Variants in CPA6 observed in about 807,000 individuals in gnomAD.
CPA6 encodes carboxypeptidase A6.
Under a neutral mutation model 63.3 loss-of-function variants are expected in CPA6, and 58 were observed. The ratio of observed to expected loss-of-function variants is 0.92; its 90% confidence interval spans 0.74 to 1.14. The LOEUF (loss-of-function observed/expected upper bound fraction) is 1.14. Ranked by LOEUF, CPA6 falls within the 50% of genes most tolerant of loss-of-function variation. The probability of loss-of-function intolerance (pLI) is 0.00; values close to 1 mark genes in which losing one functional copy is unlikely to be tolerated. For synonymous variants in CPA6, 185 were observed against 179.0 expected (o/e 1.03, Z -0.27); for missense variants, 565 against 526.6 (o/e 1.07, Z -0.71).
intron 1 of CPA6, among the ~76,000 whole-genome samples, chr8:67,739,212 G>A (rs781123624): frequency 1.3e-5 from 2 of 152,190 alleles, no homozygotes; most frequent in Non-Finnish European, 2.9e-5. Flanking sequence ...TTGGTTCAGA[G>A]GGGTAGAGGA....
At chr8:67,700,381 A>C (rs1409493799) in intron 1 of CPA6, among the ~76,000 whole-genome samples, 1 of 152,234 alleles carries the variant, frequency 6.6e-6, no homozygotes, top group African/African-American at 2.4e-5. Context: ...AATGTAAATC[A>C]TTGTTCTAAA....
At chr8:67,570,604 A>T (rs969752126) in intron 2 of CPA6, among the ~76,000 whole-genome samples, 1 of 152,238 alleles carries the variant, frequency 6.6e-6, no homozygotes, top group Non-Finnish European at 1.5e-5. Flanking sequence ...TACGCAATAA[A>T]AGTTAAGCTG....
chr8:67,588,608 G>C (rs1216627645), intron 2 of CPA6, among the ~76,000 whole-genome samples: 1 of 152,060 alleles, frequency 6.6e-6, no homozygotes, highest in Middle Eastern at 3.2e-3. Flanking sequence ...CCCTTCCATG[G>C]CTTATATAAA....
intron 2 of CPA6, among the ~76,000 whole-genome samples, chr8:67,560,645 T>C (rs1191071328): frequency 6.6e-6 from 1 of 152,140 alleles, no homozygotes; most frequent in Non-Finnish European, 1.5e-5. Context: ...AGGGTTGAAT[T>C]GGAGGAAGCT....
chr8:67,503,468 A>ATTTT (rs869172205), intron 6 of CPA6, among the ~76,000 whole-genome samples: 4 of 126,024 alleles, frequency 3.2e-5, no homozygotes, highest in African/African-American at 6.3e-5. Flanking sequence ...AGCTAATTAA[A>ATTTT]TTTTTTTTTT....
At chr8:67,574,164 T>G in intron 2 of CPA6, among the ~76,000 whole-genome samples, 1 of 151,600 alleles carries the variant, frequency 6.6e-6, no homozygotes, top group Non-Finnish European at 1.5e-5. Context: ...GATCACTTGA[T>G]GTCAGGAGTT....
At chr8:67,739,813 GAT>G (rs2129004138) in intron 1 of CPA6, among the ~76,000 whole-genome samples, 1 of 152,264 alleles carries the variant, frequency 6.6e-6, no homozygotes, top group East Asian at 1.9e-4. Context: ...GCAAGGGAGT[GAT>G]ATGATAAAAA....
intron 9 of CPA6, 150 bp from the exon 10 acceptor site, chr8:67,428,281 C>T (rs1438849013): frequency 1.9e-6 from 1 of 537,426 alleles, no homozygotes; most frequent in African/African-American, 1.9e-5. Flanking sequence ...TCTTATGTCA[C>T]ACGCTACATT....
chr8:67,551,365 T>C (rs573713350), intron 2 of CPA6, among the ~76,000 whole-genome samples: 1 of 152,354 alleles, frequency 6.6e-6, no homozygotes, highest in Admixed American at 6.5e-5. Context: ...CTCTCTATTG[T>C]ATTCCATTGG....
At chr8:67,735,844 T>C (rs1234637023) in intron 1 of CPA6, among the ~76,000 whole-genome samples, 2 of 152,174 alleles carry the variant, frequency 1.3e-5, no homozygotes, top group Admixed American at 6.5e-5. Flanking sequence ...GCTGTTACCT[T>C]TGGGAGAAAT....
In CPA6 at chr8:67,484,740, T is replaced by G; in HGVS notation, c.686A>C (p.His229Pro). The G allele has an allele frequency of 6.2e-7, 1 of 1,611,134 alleles. No homozygotes were observed. The highest frequency in any genetic ancestry group is 8.5e-7 in the Non-Finnish European group (1 of 1,177,406). The change falls in exon 7 of 11, where the codon CAT becomes CCT. Residue 229 changes from histidine to proline, a missense_variant. Transcript: ENST00000297770. The stretch of plus-strand genomic sequence containing the variant: ...CACAGGCATGATATAGAAATATAGA[T>G]GATTCAACATTTTTCTCATGGCTGG... ...SDPAMRKMLN[H>P]LYFYIMPVFN...
At chr8:67,624,379 A>C in intron 1 of CPA6, 128 bp from the exon 2 acceptor site, 1 of 532,128 alleles carries the variant, frequency 1.9e-6, no homozygotes, top group South Asian at 2.8e-5. Context: ...TCACTGGCCC[A>C]GTAAGTATTT....
chr8:67,442,329 T>C (rs969068054), intron 8 of CPA6, among the ~76,000 whole-genome samples: 19 of 151,814 alleles, frequency 1.3e-4, no homozygotes, highest in African/African-American at 4.1e-4. Flanking sequence ...TGTGATATTG[T>C]AATATGATGT....
intron 2 of CPA6, among the ~76,000 whole-genome samples, chr8:67,597,946 C>T (rs1001088350): frequency 6.6e-6 from 1 of 152,180 alleles, no homozygotes; most frequent in Non-Finnish European, 1.5e-5. Flanking sequence ...TGGTATCTTT[C>T]AGAGAAGACT....
intron 1 of CPA6, among the ~76,000 whole-genome samples, chr8:67,672,344 T>C (rs1310837135): frequency 6.6e-6 from 1 of 152,162 alleles, no homozygotes; most frequent in African/African-American, 2.4e-5. Flanking sequence ...TTTCTTCCAA[T>C]GCGTACAAAC....
At chr8:67,720,372 TCA>T (rs1817472384) in intron 1 of CPA6, among the ~76,000 whole-genome samples, 1 of 152,172 alleles carries the variant, frequency 6.6e-6, no homozygotes, top group Non-Finnish European at 1.5e-5. Flanking sequence ...TATGTGCAAG[TCA>T]CAGGGGATGC....
chr8:67,737,210 C>A (rs1374744891), intron 1 of CPA6, among the ~76,000 whole-genome samples: 2 of 152,166 alleles, frequency 1.3e-5, no homozygotes, highest in South Asian at 4.1e-4. Context: ...CTCCTGACTC[C>A]CTCAGAGAAA....
chr8:67,742,434 T>G (rs1817930839), intron 1 of CPA6, among the ~76,000 whole-genome samples: 1 of 152,154 alleles, frequency 6.6e-6, no homozygotes, highest in African/African-American at 2.4e-5. Context: ...CAGGCAGAGC[T>G]GGGTGAGAAT....
chr8:67,581,696 G>A (rs1447380811), intron 2 of CPA6, among the ~76,000 whole-genome samples: 2 of 152,152 alleles, frequency 1.3e-5, no homozygotes, highest in Non-Finnish European at 2.9e-5. Context: ...TATTGGACTG[G>A]CTGTCCCCCA....
Sources: allele counts gnomAD v4.1 joint callset (sites outside exome capture counted in the v4.1 genomes callset), GRCh38; gene constraint gnomAD v4.1.1; transcripts MANE v1.5; gene names NCBI Gene and HGNC (gene_info 2026-07-23, HGNC 2026-07-21).